NUB1: variants seen among roughly 807,000 people sequenced by gnomAD.
The protein encoded by NUB1 is NEDD8 ultimate buster 1.
In NUB1, 41 loss-of-function variants were observed where a neutral mutation model predicts 77.1. The observed-to-expected ratio is 0.53, with a 90% confidence interval of 0.41 to 0.69. The LOEUF (loss-of-function observed/expected upper bound fraction) is 0.69, where lower values mean the gene tolerates loss of function less well. Ranked by LOEUF, NUB1 falls within the 30% of genes least tolerant of loss-of-function variation. NUB1 has a pLI of 0.00. For synonymous variants in NUB1, 257 were observed against 281.0 expected, an observed-to-expected ratio of 0.91 and a Z score of 0.85; for missense variants, 643 against 743.8, an observed-to-expected ratio of 0.86 and a Z score of 1.58.
At position 151,377,577 on chromosome 7, in the gene NUB1, C is replaced by T. The variant is rs2240628; in HGVS notation, c.*352C>T. ...AGGGTCCTGGGAAGGGTGTCCCGAC[C>T]GCTTCCTCTCCAGCTGTGGCTCCAT... On this transcript the variant is annotated 3_prime_UTR_variant, in exon 15 of 15. Coordinates refer to ENST00000568733, the MANE Select transcript of NUB1 (RefSeq NM_001243351.2). The T allele has an allele frequency of 0.3, 47,273 of 158,728 alleles. 7,500 individuals are homozygous for T. Among genetic ancestry groups the T allele is most frequent in the East Asian group, 0.44 (2,400 of 5,452 alleles). 9.8% of individuals were successfully genotyped at this position (158,728 alleles called of 1,614,324 possible). A position where few individuals can be genotyped will look rare whatever the true frequency, so the allele number is the denominator to read the frequency against.
intron 7 of NUB1, 73 bp downstream of exon 7, chr7:151,356,295 T>C (rs1797061158): frequency 9.3e-7 from 1 of 1,078,336 alleles, no homozygotes; most frequent in African/African-American, 1.6e-5. Flanking sequence ...TTAGTTGCTT[T>C]ATGTTGGAAG....
At chr7:151,362,076 C>T (rs1259901056) in intron 8 of NUB1, among the ~76,000 whole-genome samples, 1 of 152,178 alleles carries the variant, frequency 6.6e-6, no homozygotes, top group East Asian at 1.9e-4. Context: ...GAGCCTCCCT[C>T]AATCTTTTTA....
chr7:151,376,835 C>T (rs775228761), intron 14 of NUB1, 24 bp downstream of exon 14: 36 of 1,554,942 alleles, frequency 2.3e-5, no homozygotes, highest in Non-Finnish European at 2.5e-5. Context: ...CTTTGAGGGC[C>T]GCATTGAGAG....
chr7:151,375,725 CT>C, intron 12 of NUB1, 122 bp from the exon 13 acceptor site: 1 of 671,502 alleles, frequency 1.5e-6, no homozygotes, highest in Non-Finnish European at 2.8e-6. Flanking sequence ...GTGGGAGCCC[CT>C]TTCTCTGCCT....
intron 5 of NUB1, among the ~76,000 whole-genome samples, chr7:151,355,140 G>A (rs1353967984): frequency 6.6e-6 from 1 of 152,190 alleles, no homozygotes; most frequent in Non-Finnish European, 1.5e-5. Flanking sequence ...TAGGAGAGGT[G>A]TGTTATACTT....
chr7:151,368,842 T>C lies in NUB1; in HGVS notation c.1203T>C (p.Asp401=). ...CCCGGCTTGGCCTGAGGGCGTGTGA[T>C]GGGAACGTGGATCATGCGGCCACTC... ...QEARLGLRAC[D]GNVDHAATHI... is the part of the protein sequence containing the mutation. Residue 401 remains aspartate, a synonymous_variant, in exon 11 of 15, where the codon GAT becomes GAC. Transcript: ENST00000568733. 2 of 1,614,010 alleles carry C rather than the reference T, an allele frequency of 1.2e-6. No individual in the cohort carries two copies. The highest frequency in any genetic ancestry group is 1.1e-5 in the South Asian group (1 of 91,074).
intron 12 of NUB1, among the ~76,000 whole-genome samples, chr7:151,375,559 T>G (rs1798176601): frequency 6.6e-6 from 1 of 152,244 alleles, no homozygotes; most frequent in African/African-American, 2.4e-5. Flanking sequence ...TGTCTGTAGC[T>G]CTGACAAAAC....
intron 12 of NUB1, 83 bp downstream of exon 12, chr7:151,374,326 T>C: frequency 6.7e-7 from 1 of 1,489,194 alleles, no homozygotes; most frequent in South Asian, 1.2e-5. Flanking sequence ...TCCAGCATCC[T>C]CCCGGGCTCA....
In NUB1 at chr7:151,377,380, A is replaced by T. The variant is rs528109970; in HGVS notation, c.*155A>T. The T allele has an allele frequency of 3.8e-6, 2 of 530,240 alleles. No individual in the cohort carries two copies. The highest frequency in any genetic ancestry group is 3.9e-5 in the African/African-American group (2 of 50,928). 32.8% of individuals were successfully genotyped at this position (530,240 alleles called of 1,614,324 possible). ...AGGGGACAAGTCCAGGAGGGGTCCC[A>T]GGGCCTTCATGCGTGGTCTCGGGGA... On this transcript the variant is annotated 3_prime_UTR_variant, in exon 15 of 15. Transcript: ENST00000568733.
Position 151,377,323 on chromosome 7 carries a change from C to CAAG in NUB1, c.*99_*101dup. 1 of 762,088 alleles carries CAAG rather than the reference C, an allele frequency of 1.3e-6. No homozygotes were observed. The highest frequency in any genetic ancestry group is 3.3e-5 in the East Asian group (1 of 30,650). The allele number at this position is 762,088 out of a possible 1,614,324, so 47.2% of individuals were successfully genotyped here. ...CTGTTCTTACTTTTTATCTGAATTA[C>CAAG]AAGTCCTCTTTGGGTGTAGGAGGGG... is the stretch of plus-strand genomic sequence containing the variant. On this transcript the variant is annotated 3_prime_UTR_variant, in exon 15 of 15. Coordinates refer to ENST00000568733, the MANE Select transcript of NUB1 (RefSeq NM_001243351.2).
At chr7:151,353,571 T>TA (rs1409273134) in intron 5 of NUB1, among the ~76,000 whole-genome samples, 3 of 152,200 alleles carry the variant, frequency 2.0e-5, no homozygotes, top group African/African-American at 7.2e-5. Context: ...AACGAGAAAC[T>TA]AGATGACCTT....
chr7:151,365,286 T>G (rs1397887256), intron 8 of NUB1, among the ~76,000 whole-genome samples: 1 of 150,900 alleles, frequency 6.6e-6, no homozygotes, highest in Non-Finnish European at 1.5e-5. Context: ...GTTTTTTGTG[T>G]GTTTGTTCAT....
intron 8 of NUB1, among the ~76,000 whole-genome samples, chr7:151,364,452 A>AC (rs1563023304): frequency 9.9e-5 from 15 of 151,392 alleles, no homozygotes; most frequent in Admixed American, 4.6e-4. Context: ...CAAAAAAAAA[A>AC]ACAAAAAAAC....
chr7:151,343,021 T>TC (rs1796285940), intron 1 of NUB1, among the ~76,000 whole-genome samples: 1 of 152,150 alleles, frequency 6.6e-6, no homozygotes, highest in Non-Finnish European at 1.5e-5. Flanking sequence ...ATTGCTTGGC[T>TC]CCAGTAACCA....
intron 11 of NUB1, among the ~76,000 whole-genome samples, chr7:151,372,019 A>C (rs959893440): frequency 3.3e-5 from 5 of 152,188 alleles, no homozygotes; most frequent in African/African-American, 1.2e-4. Context: ...TTAATACATA[A>C]TTATTAAAAG....
At chr7:151,372,146 G>A (rs191994925) in intron 11 of NUB1, among the ~76,000 whole-genome samples, 45 of 152,358 alleles carry the variant, frequency 3.0e-4, no homozygotes, top group Admixed American at 6.5e-4. Context: ...GCCGTGAGAC[G>A]TAGCCTTCCT....
rs1797720095 is a variant in NUB1, at chr7:151,366,969, G to A, written c.831G>A (p.Val277=). ...CECCRELLDT[V]DNYAVLQLDI... ...GTTGCAGAGAGCTGCTGGACACAGT[G>A]GATAACTACGCCGTCCTCCAGCTGG... Residue 277 remains valine, a synonymous_variant, in exon 9 of 15, where the codon GTG becomes GTA. Coordinates refer to ENST00000568733, the MANE Select transcript of NUB1 (RefSeq NM_001243351.2). The A allele has an allele frequency of 6.2e-7, 1 of 1,612,810 alleles. No individual in the cohort carries two copies. Among genetic ancestry groups the A allele is most frequent in the South Asian group, 1.1e-5 (1 of 90,870 alleles).
intron 4 of NUB1, chr7:151,352,016 TG>T (rs1584941964): frequency 2.2e-6 from 1 of 445,774 alleles, no homozygotes; most frequent in African/African-American, 2.0e-5. Flanking sequence ...AAATGGTGTT[TG>T]GAGCACCTCC....
intron 8 of NUB1, among the ~76,000 whole-genome samples, chr7:151,362,788 CAT>C (rs1193805128): frequency 6.6e-6 from 1 of 152,208 alleles, no homozygotes; most frequent in Non-Finnish European, 1.5e-5. Flanking sequence ...ATGATCAGCA[CAT>C]GTGTGTGAGG....
Sources: gnomAD v4.1 joint callset for allele counts (sites outside exome capture counted in the v4.1 genomes callset) on GRCh38, gnomAD v4.1.1 for gene constraint, MANE v1.5 for transcripts, NCBI Gene and HGNC (gene_info 2026-07-23, HGNC 2026-07-21) for gene names.